Variants in FANCB observed in about 807,000 individuals in gnomAD.
The protein encoded by FANCB is FA complementation group B.
A neutral mutation model predicts 38.9 loss-of-function variants in FANCB; 5 were observed. The ratio of observed to expected loss-of-function variants is 0.13; its 90% CI spans 0.07 to 0.27. The LOEUF is 0.27. Ranked by LOEUF, FANCB falls within the 10% of genes least tolerant of loss-of-function variation. The pLI is 1.00. For synonymous variants in FANCB, 236 were observed against 215.4 expected, an observed-to-expected ratio of 1.10 and a Z score of -0.84; for missense variants, 573 against 602.7, an observed-to-expected ratio of 0.95 and a Z score of 0.52.
chrX:14,766,130 T>C, the FANCB span, among the ~76,000 whole-genome samples: 1 of 112,016 alleles, frequency 8.9e-6, no homozygotes, highest in Non-Finnish European at 1.9e-5. Flanking sequence ...AGTGCCAAGG[T>C]TGAGAAACCC....
At chrX:14,835,222 C>T (rs2147373742), downstream of FANCB, 1 of 513,064 alleles carries the variant, frequency 1.9e-6, no homozygotes, top group East Asian at 3.7e-5. Context: ...TCATCATTAT[C>T]CACCTTAAAG....
intron 3 of FANCB, chrX:14,862,293 C>A (rs1473462188): frequency 9.0e-6 from 1 of 111,231 alleles, no homozygotes; most frequent in Non-Finnish European, 1.9e-5. Context: ...TAAAACAGGG[C>A]ATTTGAGAGC....
At chrX:14,719,270 AAGAAT>A in the FANCB span, among the ~76,000 whole-genome samples, 1 of 112,334 alleles carries the variant, frequency 8.9e-6, no homozygotes, top group Admixed American at 9.5e-5. Context: ...GCTCAACCTG[AAGAAT>A]AGGAGAAGAC....
At chrX:14,770,400 T>G in the FANCB span, among the ~76,000 whole-genome samples, 1 of 110,614 alleles carries the variant, frequency 9.0e-6, no homozygotes, top group Middle Eastern at 4.6e-3. Context: ...TGCCCTTCTT[T>G]GTCTTTTTTG....
the FANCB span, among the ~76,000 whole-genome samples, chrX:14,810,610 T>G: frequency 9.0e-6 from 1 of 110,779 alleles, no homozygotes; most frequent in Non-Finnish European, 1.9e-5. Flanking sequence ...AAGGGAAGTT[T>G]AGAGAAAAAA....
downstream of FANCB, among the ~76,000 whole-genome samples, chrX:14,832,524 C>T (rs1286409818): frequency 8.9e-6 from 1 of 111,797 alleles, no homozygotes; most frequent in Non-Finnish European, 1.9e-5. Flanking sequence ...AATGCCTACA[C>T]AAAAAACTGT....
rs750180189 is a variant in FANCB at position 14,865,314 on chromosome X, G to A, written c.197C>T (p.Thr66Ile). ...VFVQKSTGFF[T>I]IKEENSHLKI... Reference sequence around the variant, plus strand: ...TAAATGAGAGTTTTCTTCCTTTATGGTAAAAAATCCAGTGGACTTCTGAAC... The same window carrying A: ...TAAATGAGAGTTTTCTTCCTTTATGATAAAAAATCCAGTGGACTTCTGAAC... Residue 66 changes from threonine (T) to isoleucine (I), a missense_variant, in exon 3 of 10, where the codon ACC (threonine) becomes ATC (isoleucine). Thr to Ile is a moderately conservative substitution (Grantham distance 89). Coordinates refer to ENST00000650831, the MANE Select transcript of FANCB (RefSeq NM_001018113.3). 3.5e-5 allele frequency: 41 copies of A among 1,167,085 alleles called. No homozygotes were observed. In the South Asian group the frequency reaches 6.0e-4, roughly 17 times the overall value.
At chrX:14,765,194 T>G in the FANCB span, among the ~76,000 whole-genome samples, 1 of 111,531 alleles carries the variant, frequency 9.0e-6, no homozygotes, top group Non-Finnish European at 1.9e-5. Flanking sequence ...CAAGCTTCCT[T>G]AAGCCCTGCT....
At chrX:14,857,125 A>G (rs1231825778) in intron 5 of FANCB, among the ~76,000 whole-genome samples, 1 of 112,073 alleles carries the variant, frequency 8.9e-6, no homozygotes, top group Non-Finnish European at 1.9e-5. Flanking sequence ...CATGAGGCCA[A>G]TAAGATTTTT....
chrX:14,689,852 GTGAGA>G, the FANCB span, among the ~76,000 whole-genome samples: 3 of 111,944 alleles, frequency 2.7e-5, no homozygotes, highest in Non-Finnish European at 5.6e-5. Context: ...TGTAAGTCGA[GTGAGA>G]TGAGGGGCAT....
the FANCB span, among the ~76,000 whole-genome samples, chrX:14,765,439 G>A: frequency 2.7e-5 from 3 of 112,224 alleles, no homozygotes; most frequent in South Asian, 1.1e-3. Flanking sequence ...CAGCCAGCTT[G>A]TCTTTTTTAT....
chrX:14,790,112 C>T, the FANCB span, among the ~76,000 whole-genome samples: 208 of 111,754 alleles, frequency 1.9e-3, 1 homozygote, highest in African/African-American at 6.6e-3. Context: ...TTGGGATATA[C>T]CAGTGAATAC....
At chrX:14,699,076 G>A in the FANCB span, among the ~76,000 whole-genome samples, 2 of 111,902 alleles carry the variant, frequency 1.8e-5, no homozygotes, top group African/African-American at 6.5e-5. Flanking sequence ...AAACAATCAC[G>A]CCCAGATCTT....
the FANCB span, among the ~76,000 whole-genome samples, chrX:14,772,197 G>A: frequency 1.8e-5 from 2 of 110,821 alleles, no homozygotes; most frequent in South Asian, 7.7e-4. Context: ...AAAGCTAGCA[G>A]ACTGAAACAG....
At chrX:14,705,964 G>A in the FANCB span, among the ~76,000 whole-genome samples, 1 of 111,778 alleles carries the variant, frequency 8.9e-6, no homozygotes, top group Non-Finnish European at 1.9e-5. Flanking sequence ...ATGAGCTCTG[G>A]TATTTTCTAG....
chrX:14,804,299 C>T, the FANCB span, among the ~76,000 whole-genome samples: 1 of 112,147 alleles, frequency 8.9e-6, no homozygotes, highest in Non-Finnish European at 1.9e-5. Flanking sequence ...GAATACTATG[C>T]AGCCATAAAA....
the FANCB span, among the ~76,000 whole-genome samples, chrX:14,706,887 T>C: frequency 2.7e-5 from 3 of 112,333 alleles, no homozygotes; most frequent in South Asian, 3.7e-4. Context: ...TTGGCAGTGA[T>C]ATCTCCACAG....
Position 14,865,267 on chromosome X carries a change from C to T in FANCB, c.244G>A (p.Val82Met), listed in dbSNP as rs1400003160. The T allele has an allele frequency of 9.6e-6, 11 of 1,150,165 alleles. No individual in the cohort carries two copies. Among genetic ancestry groups the T allele is most frequent in the Non-Finnish European group, 1.0e-5 (9 of 864,740 alleles). The allele number at this position is 1,150,165 out of a possible 1,213,427, so 94.8% of individuals were successfully genotyped here. A position where few individuals can be genotyped will look rare whatever the true frequency, so the allele number is the denominator to read the frequency against. ...TTAATTCCAGTTCTGAAATCTGACA[C>T]ACAGTTGCAACACATGATTTTTAAA... ...SHLKIMCCNCVSDFRTGINLP... is the reference protein window; with the variant it reads ...SHLKIMCCNCMSDFRTGINLP... The change falls in exon 3 of 10, where the codon GTG (valine) becomes ATG (methionine). Residue 82 changes from valine to methionine, a missense_variant. Physicochemically the swap from Val to Met is conservative, Grantham distance 21. Coordinates refer to ENST00000650831, the MANE Select transcript of FANCB (RefSeq NM_001018113.3).
At chrX:14,708,477 G>A in the FANCB span, among the ~76,000 whole-genome samples, 23,375 of 110,519 alleles carry the variant, frequency 0.21, 2,168 homozygotes, top group Non-Finnish European at 0.3. Context: ...AACTTGCTAA[G>A]CCCTCGCTTT....
Sources: gnomAD v4.1 joint callset for allele counts (sites outside exome capture counted in the v4.1 genomes callset) on GRCh38, gnomAD v4.1.1 for gene constraint, MANE v1.5 for transcripts, NCBI Gene and HGNC (gene_info 2026-07-23, HGNC 2026-07-21) for gene names.